Variants in TRPM5 observed in about 807,000 individuals in gnomAD.
TRPM5 encodes the protein transient receptor potential cation channel subfamily M member 5.
TRPM5 carries 121 observed loss-of-function variants against 124.9 expected under a neutral mutation model. The observed-to-expected ratio is 0.97, with a 90% CI of 0.84 to 1.13. The LOEUF (loss-of-function observed/expected upper bound fraction) is 1.13, where lower values mean the gene tolerates loss of function less well. Among genes scored for constraint, TRPM5 ranks in the 50% most tolerant of loss-of-function variants. The pLI is 0.00. For missense variants in TRPM5, 1,643 were observed against 1,589.1 expected (o/e 1.03, Z -0.58); for synonymous variants, 781 against 700.5 (o/e 1.11, Z -1.81).
chr11:2,420,957 G>A (rs1210122987), intron 3 of TRPM5, 75 bp downstream of exon 8: 11 of 1,430,600 alleles, frequency 7.7e-6, no homozygotes, highest in South Asian at 6.9e-5. Flanking sequence ...CCAGAGCTCT[G>A]CCCGCTGCCC....
chr11:2,408,217 C>G (rs544841237), intron 18 of TRPM5, among the ~76,000 whole-genome samples: 4 of 152,264 alleles, frequency 2.6e-5, no homozygotes, highest in Non-Finnish European at 5.9e-5. Flanking sequence ...AGCCAAGACC[C>G]CTGGAGGGAT....
rs376759829 is a variant in TRPM5, at chr11:2,415,969, G to A, written c.1065C>T (p.Ala355=). ...CGATGTCCACGCGGTCCCAGGCCAC[G>A]GCCAGCTTGAGCTCATCCAGATAGT... The change falls in exon 8 of 24, where the codon GCC becomes GCT. Residue 355 remains alanine, a synonymous_variant. Transcript: ENST00000155858. 30 of 1,582,780 alleles carry A rather than the reference G, an allele frequency of 1.9e-5. No homozygotes were observed. The East Asian group carries it at 2.1e-4, about 11-fold the overall frequency.
chr11:2,418,803 G>A (rs544213530), intron 4 of TRPM5, among the ~76,000 whole-genome samples: 22 of 152,304 alleles, frequency 1.4e-4, no homozygotes, highest in African/African-American at 4.6e-4. Flanking sequence ...TACCCAGCAC[G>A]CGCACTTTGT....
At chr11:2,441,702 T>C in the TRPM5 span, among the ~76,000 whole-genome samples, 1 of 152,108 alleles carries the variant, frequency 6.6e-6, no homozygotes, top group African/African-American at 2.4e-5. This position sits in a 1 kb window ranked among gnomAD's most constrained non-coding sequence, Gnocchi z 7.2. Context: ...AGAATTTTTT[T>C]TTTTTAGATG....
At chr11:2,406,177 G>A (rs1850320302) in intron 21 of TRPM5, 86 bp from the exon 27 acceptor site, 5 of 1,470,770 alleles carry the variant, frequency 3.4e-6, no homozygotes, top group Admixed American at 3.4e-5. Flanking sequence ...AGGCCTCCCT[G>A]TGTGCCCGAG....
At chr11:2,429,573 C>T in the TRPM5 span, among the ~76,000 whole-genome samples, 4 of 149,322 alleles carry the variant, frequency 2.7e-5, no homozygotes, top group East Asian at 4.0e-4. The surrounding 1 kb of genome is among the most constrained non-coding windows in gnomAD (Gnocchi z 8.4). Context: ...CTGGTGGTGG[C>T]CATGGTGGTG....
chr11:2,411,408 A>T (rs1182354057), exon 18 of TRPM5: 7 of 1,611,914 alleles, frequency 4.3e-6, no homozygotes, highest in African/African-American at 4.0e-5. Flanking sequence ...CCGGTAGAGC[A>T]CCCGGCGGAA....
chr11:2,410,254 G>A (rs929101536), intron 18 of TRPM5, among the ~76,000 whole-genome samples: 23 of 152,154 alleles, frequency 1.5e-4, no homozygotes, highest in South Asian at 4.1e-4. Flanking sequence ...TCACGGCGTC[G>A]CCCCCGCCTG....
intron 3 of TRPM5, 78 bp downstream of exon 8, chr11:2,420,954 T>A (rs1845764314): frequency 7.0e-6 from 10 of 1,425,642 alleles, no homozygotes; most frequent in Non-Finnish European, 7.4e-6. Flanking sequence ...CTCCCAGAGC[T>A]CTGCCCGCTG....
At chr11:2,414,009 G>GGGGCGGCCCCCCCCCCCCCCC in intron 12 of TRPM5, 52 bp downstream of exon 17, 1 of 1,023,734 alleles carries the variant, frequency 9.8e-7, no homozygotes, top group Non-Finnish European at 1.4e-6. Context: ...GGCCCAGCTC[G>GGGGCGGCCCCCCCCCCCCCCC]CCCGCCCACC....
chr11:2,420,419 G>C lies in TRPM5; in HGVS notation c.466-14C>G. 1 of 1,594,120 alleles carries C rather than the reference G, an allele frequency of 6.3e-7. No individual in the cohort carries two copies. Among genetic ancestry groups the C allele is most frequent in the Non-Finnish European group, 8.6e-7 (1 of 1,167,218 alleles). The stretch of plus-strand genomic sequence containing the variant: ...AGGAAAATCCTCCTGCGCCCATGCA[G>C]GGAGACGAGGCTGAGCCCTCGAGAG... On this transcript the variant is annotated splice_polypyrimidine_tract_variant and intron_variant, in intron 3 of 23. Coordinates refer to ENST00000155858, the Ensembl canonical transcript of TRPM5.
intron 21 of TRPM5, 171 bp from the exon 27 acceptor site, chr11:2,406,262 C>G: frequency 1.4e-6 from 1 of 716,774 alleles, no homozygotes; most frequent in Admixed American, 2.1e-5. Context: ...CAAAGTGCAC[C>G]TGGTGCAGTA....
the TRPM5 span, among the ~76,000 whole-genome samples, chr11:2,435,618 T>C: frequency 1.9e-4 from 29 of 149,438 alleles, no homozygotes; most frequent in Non-Finnish European, 2.5e-4. The surrounding 1 kb of genome is among the most constrained non-coding windows in gnomAD (Gnocchi z 4.1). Context: ...CATCCATCCA[T>C]CCACCCATCC....
the TRPM5 span, among the ~76,000 whole-genome samples, chr11:2,443,885 C>CAG: frequency 7.0e-6 from 1 of 143,616 alleles, no homozygotes; most frequent in African/African-American, 2.6e-5. The surrounding 1 kb of genome is among the most constrained non-coding windows in gnomAD (Gnocchi z 5.0). Context: ...GGAGGCAGTG[C>CAG]AGAGACCTGT....
At chr11:2,404,940 G>A in exon 24 of TRPM5, 3 of 1,611,738 alleles carry the variant, frequency 1.9e-6, no homozygotes, top group Non-Finnish European at 2.5e-6. Flanking sequence ...AAGCAGCTCA[G>A]GTGTCCGAGG....
intron 2 of TRPM5, 64 bp from the exon 8 acceptor site, chr11:2,421,262 G>A (rs1401761015): frequency 9.4e-6 from 14 of 1,495,256 alleles, no homozygotes; most frequent in South Asian, 1.2e-5. Flanking sequence ...CTGGCCCCAC[G>A]CCCTAACCCC....
chr11:2,414,190 G>A, exon 12 of TRPM5: 1 of 1,609,700 alleles, frequency 6.2e-7, no homozygotes, highest in African/African-American at 1.3e-5. Flanking sequence ...TGTTGCTGTA[G>A]CACTCGGAGA....
At chr11:2,416,695 C>T (rs530341377) in intron 7 of TRPM5, among the ~76,000 whole-genome samples, 1 of 152,320 alleles carries the variant, frequency 6.6e-6, no homozygotes, top group East Asian at 1.9e-4. Flanking sequence ...GTCCAGACAC[C>T]CTTCCCAGAG....
intron 8 of TRPM5, 81 bp downstream of exon 13, chr11:2,415,825 C>T (rs532826719): frequency 4.6e-6 from 5 of 1,081,678 alleles, no homozygotes; most frequent in Admixed American, 4.1e-5. Context: ...GCCAAGCAGC[C>T]CACAGGGTGC....
Sources: allele counts gnomAD v4.1 joint callset (sites outside exome capture counted in the v4.1 genomes callset), GRCh38; gene constraint gnomAD v4.1.1; non-coding constraint Gnocchi (gnomAD v3.1); transcripts MANE v1.5; gene names NCBI Gene and HGNC (gene_info 2026-07-23, HGNC 2026-07-21).